BROX: variants seen among roughly 807,000 people sequenced by gnomAD.
BROX encodes BRO1 domain and CAAX motif containing.
Under a neutral mutation model 61.0 loss-of-function variants are expected in BROX, and 53 were observed. The ratio of observed to expected loss-of-function variants is 0.87; its 90% CI spans 0.70 to 1.09. The LOEUF (loss-of-function observed/expected upper bound fraction) is 1.09. BROX is among the 50% of genes least tolerant of loss of function. The pLI, the probability that BROX is intolerant of heterozygous loss-of-function variation, is 0.00. For synonymous variants in BROX, 152 were observed against 160.2 expected (o/e 0.95, Z 0.38); for missense variants, 489 against 472.0 (o/e 1.04, Z -0.33).
chr1:222,728,480 A>G (rs1237787332), intron 8 of BROX, among the ~76,000 whole-genome samples: 1 of 152,162 alleles, frequency 6.6e-6, no homozygotes, highest in Non-Finnish European at 1.5e-5. Flanking sequence ...GTTCTTGGTC[A>G]CAATCTGTTT....
At chr1:222,717,098 CTT>C (rs1211127040) in intron 2 of BROX, among the ~76,000 whole-genome samples, 4 of 152,168 alleles carry the variant, frequency 2.6e-5, no homozygotes, top group Non-Finnish European at 5.9e-5. Context: ...GGTCATCAAA[CTT>C]TTTAAAAGCT....
intron 3 of BROX, 47 bp from the exon 4 acceptor site, chr1:222,719,216 T>C (rs1656874133): frequency 7.0e-7 from 1 of 1,434,820 alleles, no homozygotes; most frequent in Non-Finnish European, 9.7e-7. Flanking sequence ...ACACTCAATA[T>C]TTCTTCTAAT....
chr1:222,729,178 T>C (rs1657745196), intron 9 of BROX, among the ~76,000 whole-genome samples: 1 of 152,202 alleles, frequency 6.6e-6, no homozygotes, highest in African/African-American at 2.4e-5. Context: ...CCTAGCTTAG[T>C]GAAGAACCAT....
rs1657288089 is a variant in BROX, at chr1:222,723,792, C to A, written c.402-300C>A. On this transcript the variant is annotated intron_variant, in intron 5 of 12. Transcript: ENST00000340934. Reference sequence around the variant, plus strand: ...CTCCTGGGTTCAAGTGATTTTCGTGCCTCAGCCTCCCGAGTAGCTGGGATT... The same window carrying A: ...CTCCTGGGTTCAAGTGATTTTCGTGACTCAGCCTCCCGAGTAGCTGGGATT... Among the ~76,000 whole-genome samples the A allele has an allele frequency of 2.0e-5, 3 of 152,050 alleles. No homozygotes were observed. In the South Asian group the frequency reaches 6.2e-4, roughly 32 times the overall value.
At chr1:222,714,306 G>T (rs891103125) in intron 1 of BROX, among the ~76,000 whole-genome samples, 1 of 150,600 alleles carries the variant, frequency 6.6e-6, no homozygotes, top group African/African-American at 2.4e-5. Context: ...CCGCCTCCTG[G>T]GTTCTCCTGC....
At chr1:222,728,572 A>T (rs750248478) in intron 8 of BROX, among the ~76,000 whole-genome samples, 171 bp from the exon 9 acceptor site, 2 of 152,150 alleles carry the variant, frequency 1.3e-5, no homozygotes, top group African/African-American at 4.8e-5. Context: ...TATGTAACTT[A>T]AAGTATAGAT....
In BROX at chr1:222,712,840, C is replaced by A. The variant is rs529653503; in HGVS notation, c.-119C>A. The A allele has an allele frequency of 1.6e-5, 21 of 1,283,618 alleles. No individual in the cohort carries two copies. Among genetic ancestry groups the A allele is most frequent in the Admixed American group, 2.3e-5 (1 of 43,166 alleles). 79.5% of individuals were successfully genotyped at this position (1,283,618 alleles called of 1,614,324 possible). A position where few individuals can be genotyped will look rare whatever the true frequency, so the allele number is the denominator to read the frequency against. ...GTCCTGGTTTTCCGTCACCCTGGTTCTGTAGTCTCGGTTCTCCGACTCCCT... is the reference window on the plus strand; with the variant it reads ...GTCCTGGTTTTCCGTCACCCTGGTTATGTAGTCTCGGTTCTCCGACTCCCT... On this transcript the variant is annotated 5_prime_UTR_variant, in exon 1 of 13. In the 5' UTR this introduces an upstream ATG that the reference lacks. Transcript: ENST00000340934.
intron 9 of BROX, among the ~76,000 whole-genome samples, chr1:222,729,191 A>G (rs1050549986): frequency 8.5e-5 from 13 of 152,212 alleles, no homozygotes; most frequent in African/African-American, 2.2e-4. Context: ...AGAACCATCA[A>G]TAAACATCAT....
chr1:222,719,131 C>A, intron 3 of BROX, 100 bp downstream of exon 3: 1 of 1,289,254 alleles, frequency 7.8e-7, no homozygotes, highest in Non-Finnish European at 1.1e-6. Flanking sequence ...CTCTTCCAGA[C>A]TGTATTCTTT....
chr1:222,729,627 G>T lies in BROX; in HGVS notation c.764G>T (p.Cys255Phe), dbSNP rs776006106. ...KMCFYTAYAYCYHGETLLASD... is the reference protein window; with the variant it reads ...KMCFYTAYAYFYHGETLLASD... The stretch of plus-strand genomic sequence containing the variant: ...ATTTGTTTATTTCATCAGGCTTACT[G>T]TTACCATGGTGAGACTTTATTGGCT... The change falls in exon 10 of 13, where the codon TGT (cysteine) becomes TTT (phenylalanine). Residue 255 changes from cysteine (C) to phenylalanine (F), a missense_variant. Coordinates refer to ENST00000340934, the MANE Select transcript of BROX (RefSeq NM_144695.4). The T allele has an allele frequency of 1.2e-6, 2 of 1,612,424 alleles. No individual in the cohort carries two copies. The highest frequency in any genetic ancestry group is 2.7e-5 in the African/African-American group (2 of 74,878).
chr1:222,722,907 A>C (rs1233679600), intron 5 of BROX, among the ~76,000 whole-genome samples: 1 of 152,234 alleles, frequency 6.6e-6, no homozygotes, highest in African/African-American at 2.4e-5. Flanking sequence ...CCGTCAAATC[A>C]ATTGAAAAGC....
Position 222,722,415 on chromosome 1 carries a change from C to G in BROX, c.306-4C>G. Reference sequence around the variant, plus strand: ...GAACTTAATGATCATGTTTATAATTCCAGTGCCCAGCAGGATGCTGTTTTT... The same window carrying G: ...GAACTTAATGATCATGTTTATAATTGCAGTGCCCAGCAGGATGCTGTTTTT... On this transcript the variant is annotated splice_region_variant and splice_polypyrimidine_tract_variant and intron_variant, in intron 4 of 12. Coordinates refer to ENST00000340934, the MANE Select transcript of BROX (RefSeq NM_144695.4). The G allele has an allele frequency of 3.1e-6, 5 of 1,608,492 alleles. No individual in the cohort carries two copies. In the South Asian group the frequency reaches 3.3e-5, roughly 11 times the overall value.
At chr1:222,728,348 TG>T (rs775665626) in intron 8 of BROX, among the ~76,000 whole-genome samples, 14 of 152,118 alleles carry the variant, frequency 9.2e-5, no homozygotes, top group Non-Finnish European at 1.0e-4. Flanking sequence ...AATTCAGTGA[TG>T]GGGGTAGAGA....
intron 1 of BROX, chr1:222,713,559 G>A: frequency 7.1e-6 from 4 of 563,074 alleles, no homozygotes; most frequent in Non-Finnish European, 9.0e-6. Flanking sequence ...CCCTGCGGGT[G>A]GGTGTGTCGT....
chr1:222,716,722 G>C (rs1248484467), intron 2 of BROX, among the ~76,000 whole-genome samples: 1 of 152,152 alleles, frequency 6.6e-6, no homozygotes, highest in African/African-American at 2.4e-5. Context: ...TACCAGAAAA[G>C]CCTGAGATGT....
intron 7 of BROX, among the ~76,000 whole-genome samples, chr1:222,726,182 A>G (rs983416920): frequency 6.6e-6 from 1 of 152,148 alleles, no homozygotes; most frequent in African/African-American, 2.4e-5. Flanking sequence ...TAATGTCTTC[A>G]CCTTTCAATG....
rs533165042 is a variant in BROX, at chr1:222,721,915, G to A, written c.306-504G>A. ...ATGGCATTGTTTCCTCACCTGGGATGTCCTTTTGCTTCCCTTCTAGTCATC... is the reference window on the plus strand; with the variant it reads ...ATGGCATTGTTTCCTCACCTGGGATATCCTTTTGCTTCCCTTCTAGTCATC... On this transcript the variant is annotated intron_variant, in intron 4 of 12. Coordinates refer to ENST00000340934, the MANE Select transcript of BROX (RefSeq NM_144695.4). 2.6e-5 allele frequency among the ~76,000 whole-genome samples: 4 copies of A among 152,146 alleles called. No individual in the cohort carries two copies. In the East Asian group the frequency reaches 5.8e-4, roughly 22 times the overall value.
rs1656133686 is a variant in BROX, at chr1:222,712,607, G to A, written c.-352G>A. On this transcript the variant is annotated 5_prime_UTR_variant, in exon 1 of 13. Coordinates refer to ENST00000340934, the MANE Select transcript of BROX (RefSeq NM_144695.4). ...ATCGCTATTGCGGCATTCTCCCTCGGCTCCGGAGGTAGGGGCAACTCTTCT... is the reference window on the plus strand; with the variant it reads ...ATCGCTATTGCGGCATTCTCCCTCGACTCCGGAGGTAGGGGCAACTCTTCT... 5.9e-6 allele frequency: 8 copies of A among 1,346,790 alleles called. No homozygotes were observed. Among genetic ancestry groups the A allele is most frequent in the Admixed American group, 5.0e-5 (2 of 39,764 alleles). 83.4% of individuals were successfully genotyped at this position (1,346,790 alleles called of 1,614,324 possible).
At chr1:222,713,467 G>A (rs188200038) in intron 1 of BROX, 2 of 979,750 alleles carry the variant, frequency 2.0e-6, no homozygotes, top group African/African-American at 3.5e-5. Flanking sequence ...CCCTTGTTAG[G>A]AGCGGGAGTC....
Sources: gnomAD v4.1 joint callset for allele counts (sites outside exome capture counted in the v4.1 genomes callset) on GRCh38, gnomAD v4.1.1 for gene constraint, MANE v1.5 for transcripts, NCBI Gene and HGNC (gene_info 2026-07-23, HGNC 2026-07-21) for gene names.